The following HS6ST3 variants were observed in gnomAD, a reference collection of about 807,000 sequenced individuals.
HS6ST3 encodes heparan sulfate 6-O-sulfotransferase 3.
A neutral mutation model predicts 36.7 loss-of-function variants in HS6ST3; 12 were observed. That is an observed-to-expected ratio of 0.33 (90% confidence interval 0.21 to 0.53). The LOEUF (loss-of-function observed/expected upper bound fraction) is 0.53. HS6ST3 is among the 20% of genes least tolerant of loss of function. The pLI is 0.95. For synonymous variants in HS6ST3, 240 were observed against 257.5 expected (o/e 0.93, Z 0.65); for missense variants, 584 against 640.9 (o/e 0.91, Z 0.96).
chr13:96,352,863 G>T (rs2139431710), intron 1 of HS6ST3, among the ~76,000 whole-genome samples: 1 of 152,182 alleles, frequency 6.6e-6, no homozygotes, highest in East Asian at 1.9e-4. Context: ...ACACCTCTGT[G>T]AAGTAGTTAT....
At chr13:96,148,914 A>G (rs2054070575) in intron 1 of HS6ST3, among the ~76,000 whole-genome samples, 1 of 152,230 alleles carries the variant, frequency 6.6e-6, no homozygotes, top group Non-Finnish European at 1.5e-5. Context: ...CTAAGGGACA[A>G]AATAGTCTTT....
At chr13:96,541,401 A>G (rs2056177257) in intron 1 of HS6ST3, among the ~76,000 whole-genome samples, 1 of 152,086 alleles carries the variant, frequency 6.6e-6, no homozygotes, top group South Asian at 2.1e-4. Flanking sequence ...GACTTGCTGG[A>G]GTCATAGAGC....
At chr13:96,363,978 A>G (rs2055251609) in intron 1 of HS6ST3, among the ~76,000 whole-genome samples, 1 of 152,198 alleles carries the variant, frequency 6.6e-6, no homozygotes, top group Non-Finnish European at 1.5e-5. Context: ...CCTTTACAAA[A>G]TAATCTTTTT....
At chr13:96,559,567 C>A (rs556781436) in intron 1 of HS6ST3, among the ~76,000 whole-genome samples, 1 of 151,908 alleles carries the variant, frequency 6.6e-6, no homozygotes, top group South Asian at 2.1e-4. Context: ...TAGATTATAT[C>A]TTTGGTTCTA....
chr13:96,746,619 A>T (rs952203852), intron 1 of HS6ST3, among the ~76,000 whole-genome samples: 1 of 152,136 alleles, frequency 6.6e-6, no homozygotes, highest in Non-Finnish European at 1.5e-5. Context: ...ACATGAAATC[A>T]TGAAGCATAA....
intron 1 of HS6ST3, among the ~76,000 whole-genome samples, chr13:96,263,359 C>A (rs758287808): frequency 5.9e-5 from 9 of 152,188 alleles, no homozygotes; most frequent in Admixed American, 2.6e-4. Context: ...GGTTGAGAAC[C>A]ATTCACTTAG....
At chr13:96,323,739 T>A (rs2055016312) in intron 1 of HS6ST3, among the ~76,000 whole-genome samples, 2 of 152,212 alleles carry the variant, frequency 1.3e-5, no homozygotes, top group Admixed American at 1.3e-4. Context: ...TCTGGCACTT[T>A]CTATTTTCCT....
chr13:96,652,936 C>A (rs1181650892), intron 1 of HS6ST3, among the ~76,000 whole-genome samples: 3 of 152,026 alleles, frequency 2.0e-5, no homozygotes, highest in Non-Finnish European at 4.4e-5. Context: ...AAATTCAAAT[C>A]ACACTATAAT....
rs141933007 is a variant in HS6ST3, at chr13:96,790,621, A to G, written c.708-41869A>G. Among the ~76,000 whole-genome samples, 8 of 152,206 alleles carry G rather than the reference A, an allele frequency of 5.3e-5. No homozygotes were observed. In the East Asian group the frequency reaches 1.5e-3, roughly 29 times the overall value. On this transcript the variant is annotated intron_variant, in intron 1 of 1. Coordinates refer to ENST00000376705, the MANE Select transcript of HS6ST3 (RefSeq NM_153456.4). The stretch of plus-strand genomic sequence containing the variant: ...AAGTACTATGCCAAGTATTCACACA[A>G]ATATGATTTTCCATCTATTTATTTA...
intron 1 of HS6ST3, among the ~76,000 whole-genome samples, chr13:96,253,705 A>C (rs2139378666): frequency 6.6e-6 from 1 of 152,268 alleles, no homozygotes; most frequent in East Asian, 1.9e-4. Flanking sequence ...AGACAGTGGC[A>C]CTAGTGAATA....
chr13:96,261,536 T>A (rs1412052415), intron 1 of HS6ST3, among the ~76,000 whole-genome samples: 1 of 152,136 alleles, frequency 6.6e-6, no homozygotes, highest in Admixed American at 6.6e-5. Flanking sequence ...AAGACTATAG[T>A]GGATCTGTAG....
intron 1 of HS6ST3, among the ~76,000 whole-genome samples, chr13:96,310,654 T>G (rs1346177737): frequency 1.2e-5 from 1 of 81,520 alleles, no homozygotes; most frequent in African/African-American, 4.9e-5. Flanking sequence ...TCTATGTCCC[T>G]CCCTCCCTCC....
At chr13:96,601,786 T>C (rs555066541) in intron 1 of HS6ST3, among the ~76,000 whole-genome samples, 2 of 152,230 alleles carry the variant, frequency 1.3e-5, no homozygotes, top group African/African-American at 2.4e-5. Context: ...CTGGATTTTT[T>C]AAAAATTCCT....
chr13:96,214,834 G>A (rs960338378), intron 1 of HS6ST3, among the ~76,000 whole-genome samples: 3 of 152,086 alleles, frequency 2.0e-5, no homozygotes, highest in African/African-American at 4.8e-5. Context: ...TCACTATAAC[G>A]TTAAGACCAA....
chr13:96,834,376 G>C lies in HS6ST3; in HGVS notation c.*1178G>C, dbSNP rs1878877329. Reference sequence around the variant, plus strand: ...CCAGCATCTTGAATATCTCCAGCCTGTTCACTGTTTTCTTCCTACATGATC... The same window carrying C: ...CCAGCATCTTGAATATCTCCAGCCTCTTCACTGTTTTCTTCCTACATGATC... On this transcript the variant is annotated 3_prime_UTR_variant, in exon 2 of 2. Coordinates refer to ENST00000376705, the MANE Select transcript of HS6ST3 (RefSeq NM_153456.4). 2 of 152,190 alleles carry C rather than the reference G, an allele frequency of 1.3e-5. No homozygotes were observed. Among genetic ancestry groups the C allele is most frequent in the Non-Finnish European group, 2.9e-5 (2 of 68,036 alleles). The allele number at this position is 152,190 out of a possible 1,614,324, so 9.4% of individuals were successfully genotyped here. A position where few individuals can be genotyped will look rare whatever the true frequency, so the allele number is the denominator to read the frequency against.
At position 96,170,812 on chromosome 13, in the gene HS6ST3, T is replaced by C. The variant is rs114334787; in HGVS notation, c.707+79243T>C. ...AAAACCAAAATGAAAAATTGGACAATTGATAGCAAGTGAGGCCTTGATGTA... is the reference window on the plus strand; with the variant it reads ...AAAACCAAAATGAAAAATTGGACAACTGATAGCAAGTGAGGCCTTGATGTA... On this transcript the variant is annotated intron_variant, in intron 1 of 1. Coordinates refer to ENST00000376705, the MANE Select transcript of HS6ST3 (RefSeq NM_153456.4). Among the ~76,000 whole-genome samples, 859 of 152,254 alleles carry C rather than the reference T, an allele frequency of 5.6e-3. 11 individuals are homozygous for C. Among genetic ancestry groups the C allele is most frequent in the African/African-American group, 0.02 (824 of 41,540 alleles).
chr13:96,448,073 G>T (rs2055707877), intron 1 of HS6ST3, among the ~76,000 whole-genome samples: 1 of 152,116 alleles, frequency 6.6e-6, no homozygotes, highest in Admixed American at 6.5e-5. Flanking sequence ...TCACCTAATT[G>T]TCCATGGTAT....
chr13:96,765,164 T>C lies in HS6ST3; in HGVS notation c.708-67326T>C, dbSNP rs535741896. On this transcript the variant is annotated intron_variant, in intron 1 of 1. Coordinates refer to ENST00000376705, the MANE Select transcript of HS6ST3 (RefSeq NM_153456.4). ...TCTCGGCTCACTGCAAGCTCCGCCT[T>C]CTGGGTTCACGCCATTCTCCTGCCT... Among the ~76,000 whole-genome samples, 445 of 151,182 alleles carry C rather than the reference T, an allele frequency of 2.9e-3. 4 individuals are homozygous for C. Among genetic ancestry groups the C allele is most frequent in the African/African-American group, 8.6e-3 (356 of 41,244 alleles).
intron 1 of HS6ST3, among the ~76,000 whole-genome samples, chr13:96,508,427 G>A (rs2056035499): frequency 6.6e-6 from 1 of 152,016 alleles, no homozygotes; most frequent in African/African-American, 2.4e-5. Flanking sequence ...TTGTTACACA[G>A]ATGAATTATA....
Sources: allele counts gnomAD v4.1 joint callset (sites outside exome capture counted in the v4.1 genomes callset), GRCh38; gene constraint gnomAD v4.1.1; transcripts MANE v1.5; gene names NCBI Gene and HGNC (gene_info 2026-07-23, HGNC 2026-07-21).